BACH2: variants seen among roughly 807,000 people sequenced by gnomAD.
BACH2 encodes transcription regulator protein BACH2.
BACH2 carries 5 observed loss-of-function variants against 61.8 expected under a neutral mutation model. The ratio of observed to expected loss-of-function variants is 0.08; its 90% confidence interval spans 0.04 to 0.17. BACH2 has a LOEUF of 0.17. Among genes scored for constraint, BACH2 ranks in the 10% least tolerant of loss-of-function variants. The pLI is 1.00. For synonymous variants in BACH2, 446 were observed against 440.1 expected (o/e 1.01, Z -0.17); for missense variants, 824 against 1,091.1 (o/e 0.76, Z 3.45).
intron 5 of BACH2, among the ~76,000 whole-genome samples, chr6:90,070,020 C>G (rs912787331): frequency 6.6e-6 from 1 of 152,096 alleles, no homozygotes; most frequent in Non-Finnish European, 1.5e-5. Flanking sequence ...GCTGACAACA[C>G]GATCATTGTG....
chr6:90,133,623 G>A (rs1414719322), intron 4 of BACH2, among the ~76,000 whole-genome samples: 3 of 152,032 alleles, frequency 2.0e-5, no homozygotes, highest in Non-Finnish European at 2.9e-5. Context: ...CATGTGCCAT[G>A]TTGGTGTGCT....
At chr6:90,035,860 A>G (rs1779236887) in intron 5 of BACH2, among the ~76,000 whole-genome samples, 1 of 151,928 alleles carries the variant, frequency 6.6e-6, no homozygotes, top group African/African-American at 2.4e-5. Context: ...CAATAACAGA[A>G]GAAAAACTCA....
chr6:90,017,209 T>C (rs66735331), intron 5 of BACH2, among the ~76,000 whole-genome samples: 17,734 of 152,116 alleles, frequency 0.12, 1,072 homozygotes, highest in East Asian at 0.19. Context: ...TTTGGTACTT[T>C]AAAGAAATCT....
At chr6:90,117,099 GC>G (rs1783433011) in intron 4 of BACH2, 1 of 275,272 alleles carries the variant, frequency 3.6e-6, no homozygotes, top group Middle Eastern at 4.3e-4. Flanking sequence ...CGTCTCTCTG[GC>G]CAACTTCTCA....
intron 1 of BACH2, among the ~76,000 whole-genome samples, chr6:90,288,493 T>C (rs777497346): frequency 2.0e-5 from 3 of 152,158 alleles, no homozygotes; most frequent in African/African-American, 7.2e-5. Flanking sequence ...CTCCTGAGAA[T>C]GATGCTTCTT....
chr6:90,042,741 T>C (rs1036215398), intron 5 of BACH2, among the ~76,000 whole-genome samples: 13 of 152,356 alleles, frequency 8.5e-5, no homozygotes, highest in African/African-American at 2.9e-4. Flanking sequence ...GCTCAAAACA[T>C]ACATACCTAT....
At chr6:90,102,205 G>A (rs532800755) in intron 4 of BACH2, among the ~76,000 whole-genome samples, 2 of 152,024 alleles carry the variant, frequency 1.3e-5, no homozygotes, top group African/African-American at 2.4e-5. Context: ...TAATGATCCT[G>A]CTTTTGGGTT....
chr6:89,970,684 G>A (rs763258762), intron 6 of BACH2, among the ~76,000 whole-genome samples: 8 of 151,530 alleles, frequency 5.3e-5, no homozygotes, highest in Non-Finnish European at 1.0e-4. Context: ...CAATGAAGAA[G>A]GAAATTTGTT....
chr6:90,266,198 G>A (rs1305730434), intron 2 of BACH2, among the ~76,000 whole-genome samples: 1 of 152,148 alleles, frequency 6.6e-6, no homozygotes, highest in East Asian at 1.9e-4. Context: ...AGTGCCCTGA[G>A]GGTGGGATGT....
chr6:90,089,935 C>T (rs144504106), intron 4 of BACH2, among the ~76,000 whole-genome samples: 93 of 152,254 alleles, frequency 6.1e-4, no homozygotes, highest in African/African-American at 2.2e-3. Context: ...TAGAGCCTCA[C>T]ATTTGTTCAG....
intron 5 of BACH2, among the ~76,000 whole-genome samples, chr6:90,075,326 G>A (rs976468187): frequency 3.3e-5 from 5 of 152,122 alleles, no homozygotes; most frequent in Non-Finnish European, 7.4e-5. Flanking sequence ...CTATGCTGAG[G>A]ATGATATATG....
intron 4 of BACH2, among the ~76,000 whole-genome samples, chr6:90,191,853 C>T (rs544466785): frequency 1.3e-5 from 2 of 152,194 alleles, no homozygotes; most frequent in East Asian, 3.8e-4. Context: ...AGACCCTTCT[C>T]TAAAATCTGA....
At position 90,008,772 on chromosome 6, in the gene BACH2, G is replaced by C; in HGVS notation, c.73C>G (p.Leu25Val). 6.2e-7 allele frequency: 1 copy of C among 1,614,204 alleles called. No homozygotes were observed. Among genetic ancestry groups the C allele is most frequent in the South Asian group, 1.1e-5 (1 of 91,084 alleles). ...TTTTTCCGCTGGTCATTGAGGCCCA[G>C]GAGGATGTTGGTGCAGTGGACTGTG... ...ESTVHCTNIL[L>V]GLNDQRKKDI... is the part of the protein sequence containing the mutation. The change falls in exon 6 of 9, where the codon CTG becomes GTG. Residue 25 changes from leucine (L) to valine (V), a missense_variant. Leu to Val is a conservative substitution (Grantham distance 32). This residue lies in a region of BACH2 where 66 missense variants were observed against 144.8 expected (regional missense o/e 0.46). Transcript: ENST00000257749. The surrounding 1 kb of genome is among the most constrained non-coding windows in gnomAD (Gnocchi z 4.1).
intron 4 of BACH2, chr6:90,104,473 G>C (rs937519923): frequency 6.6e-6 from 1 of 152,274 alleles, no homozygotes; most frequent in Admixed American, 6.5e-5. Context: ...TGAAAAAATG[G>C]GAGATGCTGC....
intron 6 of BACH2, among the ~76,000 whole-genome samples, chr6:90,000,604 C>A (rs1238452300): frequency 6.6e-6 from 1 of 152,198 alleles, no homozygotes; most frequent in Non-Finnish European, 1.5e-5. Context: ...AGCGGCCCTG[C>A]AAGTCAAACT....
At chr6:90,295,715 A>G (rs1772333560) in intron 1 of BACH2, among the ~76,000 whole-genome samples, 3 of 151,742 alleles carry the variant, frequency 2.0e-5, no homozygotes, top group Non-Finnish European at 2.9e-5. Context: ...GATCTGTGGG[A>G]GAGGAGGTGC....
intron 3 of BACH2, among the ~76,000 whole-genome samples, chr6:90,242,736 T>C (rs778244201): frequency 6.6e-6 from 1 of 152,176 alleles, no homozygotes; most frequent in Non-Finnish European, 1.5e-5. Context: ...ACTTAATATC[T>C]ACACAATGTG....
At chr6:90,036,915 C>T (rs1365451803) in intron 5 of BACH2, among the ~76,000 whole-genome samples, 1 of 152,194 alleles carries the variant, frequency 6.6e-6, no homozygotes, top group Non-Finnish European at 1.5e-5. Context: ...GTTTGTCTAA[C>T]AGACTAATTG....
intron 4 of BACH2, among the ~76,000 whole-genome samples, chr6:90,132,169 A>G (rs183598582): frequency 7.9e-5 from 12 of 152,298 alleles, no homozygotes; most frequent in Non-Finnish European, 8.8e-5. Flanking sequence ...GACTCATCCA[A>G]AGAGTGTAAA....
Sources: gnomAD v4.1 joint callset for allele counts (sites outside exome capture counted in the v4.1 genomes callset) on GRCh38, gnomAD v4.1.1 for gene constraint, gnomAD v4.1.1 regional missense constraint, Gnocchi (gnomAD v3.1) non-coding constraint, MANE v1.5 for transcripts, NCBI Gene and HGNC (gene_info 2026-07-23, HGNC 2026-07-21) for gene names.